The following ANXA7 variants were observed in gnomAD, a reference collection of about 807,000 sequenced individuals.
ANXA7 encodes the protein annexin VII.
A neutral mutation model predicts 64.9 loss-of-function variants in ANXA7; 55 were observed. The observed-to-expected ratio is 0.85, with a 90% CI of 0.68 to 1.06. The LOEUF (loss-of-function observed/expected upper bound fraction) is 1.06, where lower values mean the gene tolerates loss of function less well. Ranked by LOEUF, ANXA7 falls within the 50% of genes least tolerant of loss-of-function variation. ANXA7 has a pLI of 0.00. For synonymous variants in ANXA7, 200 were observed against 192.4 expected (o/e 1.04, Z -0.33); for missense variants, 548 against 582.1 (o/e 0.94, Z 0.60).
In ANXA7 at chr10:73,376,196, GT is replaced by G. The variant is rs774110905; in HGVS notation, c.1299del (p.Lys433AsnfsTer15). On this transcript the variant is annotated frameshift_variant, in exon 13 of 13. Transcript: ENST00000372921. LOFTEE classifies it high-confidence loss of function. Reference sequence around the variant, plus strand: ...TTCTGATACATCTGAGCGAACATCTGTTTTATTTGTACAAGGTCAATCTGCA... The same window carrying G: ...TTCTGATACATCTGAGCGAACATCTGTTTATTTGTACAAGGTCAATCTGCA... ...TRSEIDLVQI[K>X]QMFAQMYQKT... 1 of 1,591,742 alleles carries G rather than the reference GT, an allele frequency of 6.3e-7. No individual in the cohort carries two copies. The highest frequency in any genetic ancestry group is 8.5e-7 in the Non-Finnish European group (1 of 1,170,036).
intron 8 of ANXA7, 67 bp from the exon 9 acceptor site, chr10:73,383,412 C>A: frequency 6.8e-7 from 1 of 1,462,438 alleles, no homozygotes; most frequent in South Asian, 1.3e-5. Flanking sequence ...AAATCTTCGT[C>A]AAATATTTCT....
chr10:73,388,751 A>G (rs1438224914), intron 5 of ANXA7, among the ~76,000 whole-genome samples: 1 of 152,204 alleles, frequency 6.6e-6, no homozygotes, highest in Non-Finnish European at 1.5e-5. Flanking sequence ...GAATGGTGTG[A>G]GATGAGCGAC....
chr10:73,396,009 C>T, intron 5 of ANXA7: 1 of 1,321,942 alleles, frequency 7.6e-7, no homozygotes, highest in Non-Finnish European at 1.1e-6. Context: ...TATAAAGGAC[C>T]TAGTGATTAG....
In ANXA7 at chr10:73,387,782, C is replaced by A. The variant is rs1279306484; in HGVS notation, c.540G>T (p.Gly180=). Residue 180 remains glycine, a splice_region_variant and synonymous_variant, in exon 7 of 13, where the codon GGG becomes GGT. Coordinates refer to ENST00000372921, the MANE Select transcript of ANXA7 (RefSeq NM_001156.5). ...EILRKAMKGF[G]TDEQAIVDVV... ...CATCCACAATTGCCTGCTCATCTGT[C>A]CCTGGAAGAACCACACATGTTTAAG... is the stretch of plus-strand genomic sequence containing the variant. 19 of 1,609,674 alleles carry A rather than the reference C, an allele frequency of 1.2e-5. No homozygotes were observed. The East Asian group carries it at 4.3e-4, about 36-fold the overall frequency.
At chr10:73,381,452 G>A (rs1055900243) in intron 9 of ANXA7, 5 of 152,158 alleles carry the variant, frequency 3.3e-5, no homozygotes, top group African/African-American at 1.2e-4. Flanking sequence ...TAGAGTCTCA[G>A]GGACCATCTT....
intron 5 of ANXA7, among the ~76,000 whole-genome samples, chr10:73,393,150 G>A (rs2055513818): frequency 6.6e-6 from 1 of 152,174 alleles, no homozygotes; most frequent in South Asian, 2.1e-4. Context: ...TACAAGGGAT[G>A]TGAAGGACCT....
intron 5 of ANXA7, among the ~76,000 whole-genome samples, chr10:73,394,172 C>T (rs1398915929): frequency 5.9e-5 from 9 of 152,184 alleles, no homozygotes; most frequent in Admixed American, 2.6e-4. Context: ...TATCATCTCA[C>T]ACCAGTTAGA....
At chr10:73,410,976 T>C (rs2055829914) in intron 1 of ANXA7, among the ~76,000 whole-genome samples, 1 of 152,074 alleles carries the variant, frequency 6.6e-6, no homozygotes, top group Admixed American at 6.6e-5. Flanking sequence ...AGTCATTATA[T>C]GAAAAAGACT....
At chr10:73,410,233 G>A (rs2055817897) in intron 1 of ANXA7, among the ~76,000 whole-genome samples, 1 of 151,976 alleles carries the variant, frequency 6.6e-6, no homozygotes, top group Non-Finnish European at 1.5e-5. Context: ...CACAGAATGG[G>A]AGAAAATATT....
rs79890355 is a variant in ANXA7, at chr10:73,409,176, T to C, written c.-2+4836A>G. Reference sequence around the variant, plus strand: ...CTGGAAGTATTAGCCAGAGGGAAAGTAGGGGAAAGCAATAAAGTGTATCCA... The same window carrying C: ...CTGGAAGTATTAGCCAGAGGGAAAGCAGGGGAAAGCAATAAAGTGTATCCA... On this transcript the variant is annotated intron_variant, in intron 1 of 12. Coordinates refer to ENST00000372921, the MANE Select transcript of ANXA7 (RefSeq NM_001156.5). Among the ~76,000 whole-genome samples the C allele has an allele frequency of 1.6e-4, 25 of 152,214 alleles. No individual in the cohort carries two copies. In the East Asian group the frequency reaches 1.7e-3, roughly 11 times the overall value.
chr10:73,396,923 G>A (rs958899829), intron 4 of ANXA7, among the ~76,000 whole-genome samples: 1 of 149,214 alleles, frequency 6.7e-6, no homozygotes, highest in Non-Finnish European at 1.5e-5. Context: ...AGTTCCTGAA[G>A]GCTTCCTTTT....
At chr10:73,385,735 T>C (rs908312266) in intron 7 of ANXA7, among the ~76,000 whole-genome samples, 2 of 152,088 alleles carry the variant, frequency 1.3e-5, no homozygotes, top group African/African-American at 4.8e-5. Flanking sequence ...GTGAGAATAG[T>C]GAGTCTGATG....
intron 9 of ANXA7, chr10:73,381,345 G>A (rs1474444280): frequency 2.0e-5 from 3 of 152,280 alleles, no homozygotes; most frequent in African/African-American, 7.2e-5. Flanking sequence ...CCCTGGAATA[G>A]GAAGAAAGGA....
Position 73,375,229 on chromosome 10 carries a change from A to G in ANXA7, c.*866T>C, listed in dbSNP as rs2055151785. On this transcript the variant is annotated 3_prime_UTR_variant, in exon 13 of 13. Transcript: ENST00000372921. Reference sequence around the variant, plus strand: ...GTATAAACTTTCAGTTATAAAACGAATAAATGCTAGAGGTTTAATGTAGAG... The same window carrying G: ...GTATAAACTTTCAGTTATAAAACGAGTAAATGCTAGAGGTTTAATGTAGAG... The G allele has an allele frequency of 6.6e-6, 1 of 152,212 alleles. No homozygotes were observed. The highest frequency in any genetic ancestry group is 6.5e-5 in the Admixed American group (1 of 15,276). 9.4% of individuals were successfully genotyped at this position (152,212 alleles called of 1,614,324 possible). A position where few individuals can be genotyped will look rare whatever the true frequency, so the allele number is the denominator to read the frequency against.
At chr10:73,376,707 G>C (rs1487986919) in intron 12 of ANXA7, among the ~76,000 whole-genome samples, 2 of 151,986 alleles carry the variant, frequency 1.3e-5, no homozygotes, top group Non-Finnish European at 2.9e-5. Context: ...GACTTGAACA[G>C]ATATTTGTAC....
intron 5 of ANXA7, among the ~76,000 whole-genome samples, chr10:73,391,828 G>C (rs1332939153): frequency 1.3e-5 from 2 of 152,018 alleles, no homozygotes; most frequent in African/African-American, 4.8e-5. Context: ...CCCCTCACAG[G>C]GTAGCCTATT....
intron 5 of ANXA7, chr10:73,396,248 GA>G (rs1278532203): frequency 1.5e-6 from 1 of 656,612 alleles, no homozygotes; most frequent in Non-Finnish European, 2.7e-6. Context: ...AGAGGAAAAA[GA>G]ACTAAAACCA....
chr10:73,399,970 C>T (rs763352954), intron 2 of ANXA7, among the ~76,000 whole-genome samples: 3 of 152,022 alleles, frequency 2.0e-5, no homozygotes, highest in Admixed American at 6.6e-5. Flanking sequence ...GGTGAAATTC[C>T]GTCTCTACTA....
chr10:73,377,901 C>T (rs1039693641), intron 12 of ANXA7, among the ~76,000 whole-genome samples: 12 of 117,162 alleles, frequency 1.0e-4, no homozygotes, highest in African/African-American at 4.4e-4. Context: ...TACCACGCCC[C>T]GGCGTGTGTG....
Sources: allele counts gnomAD v4.1 joint callset (sites outside exome capture counted in the v4.1 genomes callset), GRCh38; gene constraint gnomAD v4.1.1; transcripts MANE v1.5; gene names NCBI Gene and HGNC (gene_info 2026-07-23, HGNC 2026-07-21).